HECTD2: variants seen among roughly 807,000 people sequenced by gnomAD.
The protein encoded by HECTD2 is probable E3 ubiquitin-protein ligase HECTD2.
In HECTD2, 35 loss-of-function variants were observed where a neutral mutation model predicts 103.2. The ratio of observed to expected loss-of-function variants is 0.34; its 90% CI spans 0.26 to 0.45. The LOEUF (loss-of-function observed/expected upper bound fraction) is 0.45, where lower values mean the gene tolerates loss of function less well. Ranked by LOEUF, HECTD2 falls within the 20% of genes least tolerant of loss-of-function variation. HECTD2 has a pLI of 1.00. For synonymous variants in HECTD2, 281 were observed against 329.9 expected, an observed-to-expected ratio of 0.85 and a Z score of 1.61; for missense variants, 596 against 937.4, an observed-to-expected ratio of 0.64 and a Z score of 4.76.
chr10:91,475,967 T>C (rs559735124), intron 5 of HECTD2, among the ~76,000 whole-genome samples: 2 of 152,306 alleles, frequency 1.3e-5, no homozygotes, highest in East Asian at 3.9e-4. Flanking sequence ...TCTTTTCTTT[T>C]CTGCTAGTGC....
intron 2 of HECTD2, among the ~76,000 whole-genome samples, chr10:91,439,217 C>G (rs9732307): frequency 0.2 from 30,482 of 151,736 alleles, 7,254 homozygotes; most frequent in African/African-American, 0.58. Flanking sequence ...TAGGTTTAAT[C>G]CTTAAGTCTT....
At chr10:91,485,349 T>C (rs763827980) in intron 10 of HECTD2, 46 bp downstream of exon 10, 8 of 1,431,108 alleles carry the variant, frequency 5.6e-6, no homozygotes, top group Non-Finnish European at 7.6e-6. Flanking sequence ...TGAAATACTA[T>C]TCAAAAGAAT....
At chr10:91,511,970 A>T (rs1422876295) in intron 20 of HECTD2, among the ~76,000 whole-genome samples, 2 of 152,234 alleles carry the variant, frequency 1.3e-5, no homozygotes, top group East Asian at 3.8e-4. Context: ...AAGTGGGGAA[A>T]GCAGAATTCA....
intron 1 of HECTD2, among the ~76,000 whole-genome samples, chr10:91,415,747 A>AG (rs1319164290): frequency 7.6e-4 from 116 of 152,322 alleles, no homozygotes; most frequent in African/African-American, 2.8e-3. Flanking sequence ...GAAAAAGAGC[A>AG]TGTTGTCCAG....
At chr10:91,449,740 C>G (rs565353439) in intron 2 of HECTD2, among the ~76,000 whole-genome samples, 1 of 148,610 alleles carries the variant, frequency 6.7e-6, no homozygotes, top group Non-Finnish European at 1.5e-5. Flanking sequence ...TTCCTATACA[C>G]AAATAATAGC....
In HECTD2 at chr10:91,487,391, A is replaced by G. The variant is rs1016741586; in HGVS notation, c.1095-291A>G. 5.5e-6 allele frequency: 2 copies of G among 365,110 alleles called. No homozygotes were observed. Among genetic ancestry groups the G allele is most frequent in the Non-Finnish European group, 5.3e-6 (1 of 190,252 alleles). 22.6% of individuals were successfully genotyped at this position (365,110 alleles called of 1,614,324 possible). ...GTATTGGCCATGTTGTTCACAGGTG[A>G]TGATATACAATGAAATTATTTGTAT... On this transcript the variant is annotated intron_variant, in intron 10 of 20. Coordinates refer to ENST00000298068, the MANE Select transcript of HECTD2 (RefSeq NM_182765.6). This position sits in a 1 kb window ranked among gnomAD's most constrained non-coding sequence, Gnocchi z 4.1.
chr10:91,413,183 TAGA>T (rs1842991926), intron 1 of HECTD2, among the ~76,000 whole-genome samples: 1 of 152,114 alleles, frequency 6.6e-6, no homozygotes, highest in Non-Finnish European at 1.5e-5. Context: ...TATCAATAAG[TAGA>T]AGGTCAGTTT....
intron 15 of HECTD2, among the ~76,000 whole-genome samples, chr10:91,497,126 ATTTTTTTT>A (rs56923120): frequency 5.1e-5 from 5 of 97,360 alleles, no homozygotes; most frequent in South Asian, 3.1e-4. Flanking sequence ...TGCCCGGCAA[ATTTTTTTT>A]TTTTTTTTTT....
chr10:91,476,899 G>C (rs1436273441), intron 5 of HECTD2, among the ~76,000 whole-genome samples: 1 of 139,318 alleles, frequency 7.2e-6, no homozygotes, highest in Admixed American at 7.1e-5. Context: ...TGCGGGTCCG[G>C]GCCGGGCGCG....
intron 2 of HECTD2, among the ~76,000 whole-genome samples, chr10:91,444,690 A>G (rs374501352): frequency 6.6e-6 from 1 of 152,210 alleles, no homozygotes; most frequent in Admixed American, 6.5e-5. Flanking sequence ...TTCTTAAAAT[A>G]TAATTCAAAA....
chr10:91,432,964 T>C (rs1033063350), intron 2 of HECTD2, among the ~76,000 whole-genome samples: 1 of 152,006 alleles, frequency 6.6e-6, no homozygotes, highest in African/African-American at 2.4e-5. Flanking sequence ...TTACATTTTC[T>C]CTAAGAGCAA....
Position 91,478,827 on chromosome 10 carries a change from TA to T in HECTD2, c.665+564del, listed in dbSNP as rs201097146. Among the ~76,000 whole-genome samples the T allele has an allele frequency of 2.0e-3, 311 of 151,972 alleles. 7 individuals are homozygous for T. The East Asian group carries it at 0.048, about 23-fold the overall frequency. On this transcript the variant is annotated intron_variant, in intron 6 of 20. Transcript: ENST00000298068. ...TTATATTAAAAGTATATTATTTAAA[TA>T]ATAACTTCCATTAAAGCCAAAGGAA...
At chr10:91,461,406 T>C in intron 4 of HECTD2, 50 bp downstream of exon 4, 1 of 914,356 alleles carries the variant, frequency 1.1e-6, no homozygotes, top group Non-Finnish European at 1.7e-6. Context: ...TTTTAAATTT[T>C]CCAAAAATGA....
chr10:91,423,281 T>G (rs1020361745), intron 1 of HECTD2, among the ~76,000 whole-genome samples: 1 of 152,150 alleles, frequency 6.6e-6, no homozygotes, highest in African/African-American at 2.4e-5. Context: ...TCTGTGAACA[T>G]GGGCATGGAA....
chr10:91,509,669 A>G (rs1270681295), intron 20 of HECTD2, among the ~76,000 whole-genome samples: 1 of 152,158 alleles, frequency 6.6e-6, no homozygotes, highest in African/African-American at 2.4e-5. Flanking sequence ...GCAAACTAAC[A>G]CAGGAACAGA....
At chr10:91,499,390 A>G (rs1846805092) in intron 18 of HECTD2, among the ~76,000 whole-genome samples, 1 of 152,108 alleles carries the variant, frequency 6.6e-6, no homozygotes, top group African/African-American at 2.4e-5. Context: ...GAGCTTTACA[A>G]ACTTTCTCCA....
intron 2 of HECTD2, among the ~76,000 whole-genome samples, chr10:91,436,023 T>A (rs1844101195): frequency 6.6e-6 from 1 of 151,914 alleles, no homozygotes; most frequent in Non-Finnish European, 1.5e-5. Context: ...TGAATCTTTC[T>A]TTTTTATAGT....
intron 1 of HECTD2, among the ~76,000 whole-genome samples, chr10:91,415,675 G>T (rs1282346486): frequency 1.3e-5 from 2 of 152,170 alleles, no homozygotes; most frequent in Non-Finnish European, 2.9e-5. Flanking sequence ...GACATTTGCG[G>T]TCATAGGTAA....
intron 7 of HECTD2, among the ~76,000 whole-genome samples, chr10:91,482,273 T>C (rs1004394891): frequency 5.9e-5 from 9 of 151,956 alleles, no homozygotes; most frequent in South Asian, 2.1e-4. Context: ...TTTCAGGAGG[T>C]TTTTTTCAAT....
Sources: allele counts gnomAD v4.1 joint callset (sites outside exome capture counted in the v4.1 genomes callset), GRCh38; gene constraint gnomAD v4.1.1; non-coding constraint Gnocchi (gnomAD v3.1); transcripts MANE v1.5; gene names NCBI Gene and HGNC (gene_info 2026-07-23, HGNC 2026-07-21).